The following NAALADL2 variants were observed in gnomAD, a reference collection of about 807,000 sequenced individuals.
NAALADL2 encodes N-acetylated alpha-linked acidic dipeptidase like 2, also known as inactive N-acetylated-alpha-linked acidic dipeptidase-like protein 2.
NAALADL2 carries 76 observed loss-of-function variants against 87.2 expected under a neutral mutation model. The observed-to-expected ratio is 0.87, with a 90% CI of 0.72 to 1.05. NAALADL2 has a LOEUF of 1.05. Ranked by LOEUF, NAALADL2 falls within the 50% of genes least tolerant of loss-of-function variation. The pLI, the probability that NAALADL2 is intolerant of heterozygous loss-of-function variation, is 0.00. For synonymous variants in NAALADL2, 354 were observed against 331.0 expected, an observed-to-expected ratio of 1.07 and a Z score of -0.75; for missense variants, 1,089 against 945.8, an observed-to-expected ratio of 1.15 and a Z score of -1.99.
intron 2 of NAALADL2, among the ~76,000 whole-genome samples, chr3:174,565,119 G>A (rs1714091720): frequency 6.6e-6 from 1 of 151,812 alleles, no homozygotes; most frequent in African/African-American, 2.4e-5. Context: ...TTAACATCTT[G>A]TATTAGTATG....
intron 5 of NAALADL2, among the ~76,000 whole-genome samples, chr3:175,378,527 C>G (rs768708464): frequency 4.6e-5 from 7 of 152,226 alleles, no homozygotes; most frequent in Non-Finnish European, 1.0e-4. Flanking sequence ...GAGTCTCACT[C>G]AGTGCATGCA....
At chr3:175,649,407 GAA>G (rs547293804) in intron 11 of NAALADL2, among the ~76,000 whole-genome samples, 12,660 of 128,794 alleles carry the variant, frequency 0.098, 886 homozygotes, top group African/African-American at 0.2. Flanking sequence ...AAGTGTCTCT[GAA>G]AAAAAAAAAA....
At chr3:174,680,111 T>C (rs947139712) in intron 2 of NAALADL2, among the ~76,000 whole-genome samples, 14 of 151,662 alleles carry the variant, frequency 9.2e-5, no homozygotes, top group African/African-American at 3.2e-4. Context: ...AAAAATGAGT[T>C]CATAATTAAA....
intron 13 of NAALADL2, among the ~76,000 whole-genome samples, chr3:175,794,344 G>A (rs1026440187): frequency 5.3e-5 from 8 of 150,476 alleles, no homozygotes; most frequent in Admixed American, 1.3e-4. Flanking sequence ...TGGTCGCGAT[G>A]AAATATAAAT....
chr3:175,137,318 A>G lies in NAALADL2; in HGVS notation c.545+40027A>G, dbSNP rs568674051. 2.0e-5 allele frequency among the ~76,000 whole-genome samples: 3 copies of G among 152,236 alleles called. No individual in the cohort carries two copies. The East Asian group carries it at 5.8e-4, about 29-fold the overall frequency. On this transcript the variant is annotated intron_variant, in intron 2 of 13. Coordinates refer to ENST00000454872, the MANE Select transcript of NAALADL2 (RefSeq NM_207015.3). ...TTCACCCACATATATTATTTTAACC[A>G]GTTTATTTAACCTAACGTTATATCA...
At chr3:175,417,964 G>A (rs1714964205) in intron 5 of NAALADL2, among the ~76,000 whole-genome samples, 1 of 152,042 alleles carries the variant, frequency 6.6e-6, no homozygotes, top group Non-Finnish European at 1.5e-5. Flanking sequence ...GATTGACATT[G>A]GGAATGGTGT....
chr3:175,430,382 A>C (rs1471864222), intron 5 of NAALADL2, among the ~76,000 whole-genome samples: 9 of 152,156 alleles, frequency 5.9e-5, no homozygotes, highest in Non-Finnish European at 2.9e-5. Context: ...GAAGATTTAA[A>C]GATTCTCTAT....
rs879666515 is a variant in NAALADL2, at chr3:175,321,449, C to T, written c.940-2726C>T. Among the ~76,000 whole-genome samples the T allele has an allele frequency of 5.8e-4, 60 of 102,698 alleles. 2 individuals carry two copies. The highest frequency in any genetic ancestry group is 2.5e-3 in the Admixed American group (24 of 9,630). 67.4% of individuals were successfully genotyped at this position (102,698 alleles called of 152,430 possible). On this transcript the variant is annotated intron_variant, in intron 4 of 13. Transcript: ENST00000454872. ...CACAAGACAGGGATGCCCTCTCTCA[C>T]CACTCCTATTCAACATAGTGTTGGA...
intron 2 of NAALADL2, among the ~76,000 whole-genome samples, chr3:174,615,768 AC>A (rs1409681277): frequency 6.6e-6 from 1 of 151,938 alleles, no homozygotes; most frequent in African/African-American, 2.4e-5. Context: ...TGGGATCAGT[AC>A]TAGGAGTTTA....
intron 4 of NAALADL2, among the ~76,000 whole-genome samples, chr3:175,302,848 ATG>A (rs139809783): frequency 0.016 from 2,333 of 148,748 alleles, 24 homozygotes; most frequent in Middle Eastern, 0.038. Context: ...ATGTGTGTGT[ATG>A]TGTGTGTGTG....
chr3:174,633,747 A>G (rs1003449562), intron 2 of NAALADL2, among the ~76,000 whole-genome samples: 1 of 152,136 alleles, frequency 6.6e-6, no homozygotes, highest in African/African-American at 2.4e-5. Context: ...GATGTGATTG[A>G]CTACTGAATC....
chr3:175,708,023 G>A (rs1242941428), intron 11 of NAALADL2, among the ~76,000 whole-genome samples: 1 of 151,800 alleles, frequency 6.6e-6, no homozygotes, highest in African/African-American at 2.4e-5. Flanking sequence ...ACAAACAAAC[G>A]AACAAACAAC....
chr3:174,727,485 C>G (rs944706280), intron 2 of NAALADL2, among the ~76,000 whole-genome samples: 15 of 151,838 alleles, frequency 9.9e-5, no homozygotes, highest in African/African-American at 3.6e-4. Flanking sequence ...AAGCTCAAAT[C>G]CAGCCTGGTA....
rs1051788118 is a variant in NAALADL2, at chr3:174,541,964, A to T, written c.-183-8605A>T. Among the ~76,000 whole-genome samples, 8 of 152,170 alleles carry T rather than the reference A, an allele frequency of 5.3e-5. No individual in the cohort carries two copies. In the East Asian group the frequency reaches 1.3e-3, roughly 26 times the overall value. Reference sequence around the variant, plus strand: ...GACTACTTCTTGCAGAGCAGGGCTAACCCATAGGCAGTGTGCCCAAAGTAT... The same window carrying T: ...GACTACTTCTTGCAGAGCAGGGCTATCCCATAGGCAGTGTGCCCAAAGTAT... On this transcript the variant is annotated intron_variant, in intron 1 of 3. Transcript: ENST00000434257.
chr3:174,705,536 G>A (rs1405189397), intron 2 of NAALADL2, among the ~76,000 whole-genome samples: 1 of 152,144 alleles, frequency 6.6e-6, no homozygotes, highest in Non-Finnish European at 1.5e-5. Context: ...TGTAATCCCA[G>A]CACTTTGGGA....
In NAALADL2 at chr3:175,780,198, T is replaced by C. The variant is rs569143091; in HGVS notation, c.2190-22807T>C. On this transcript the variant is annotated intron_variant, in intron 13 of 13. Transcript: ENST00000454872. ...GGCTGAGGCAGGAGAATGGCATAAA[T>C]CCAGGAGGCGGAGCTTGCAGTGAGC... is the stretch of plus-strand genomic sequence containing the variant. Among the ~76,000 whole-genome samples, 527 of 150,176 alleles carry C rather than the reference T, an allele frequency of 3.5e-3. 9 individuals carry two copies. In the East Asian group the frequency reaches 0.041, roughly 12 times the overall value.
At chr3:175,229,129 A>G (rs1380470881) in intron 2 of NAALADL2, among the ~76,000 whole-genome samples, 7 of 151,928 alleles carry the variant, frequency 4.6e-5, no homozygotes, top group South Asian at 2.1e-4. Context: ...TTAACCTGAC[A>G]TATACATTAT....
intron 9 of NAALADL2, among the ~76,000 whole-genome samples, chr3:175,521,694 G>A (rs1732684628): frequency 6.6e-6 from 1 of 152,088 alleles, no homozygotes; most frequent in South Asian, 2.1e-4. Context: ...GTGAAGACAG[G>A]GGCAGAGATT....
At chr3:175,078,717 G>A (rs564964494) in intron 1 of NAALADL2, among the ~76,000 whole-genome samples, 6 of 152,238 alleles carry the variant, frequency 3.9e-5, no homozygotes, top group Non-Finnish European at 8.8e-5. Flanking sequence ...CTTCTTTCAC[G>A]TAGGAAGATG....
Sources: gnomAD v4.1 joint callset for allele counts (sites outside exome capture counted in the v4.1 genomes callset) on GRCh38, gnomAD v4.1.1 for gene constraint, MANE v1.5 for transcripts, NCBI Gene and HGNC (gene_info 2026-07-23, HGNC 2026-07-21) for gene names.